The following PDE3A variants were observed in gnomAD, a reference collection of about 807,000 sequenced individuals.
PDE3A encodes phosphodiesterase 3A.
A neutral mutation model predicts 98.3 loss-of-function variants in PDE3A; 43 were observed. That is an observed-to-expected ratio of 0.44 (90% CI 0.34 to 0.56). The LOEUF is 0.56. Among genes scored for constraint, PDE3A ranks in the 20% least tolerant of loss-of-function variants. PDE3A has a pLI of 0.01. For synonymous variants in PDE3A, 663 were observed against 567.9 expected, an observed-to-expected ratio of 1.17 and a Z score of -2.38; for missense variants, 1,427 against 1,440.7, an observed-to-expected ratio of 0.99 and a Z score of 0.15.
chr12:20,623,558 T>C (rs1007501796), intron 5 of PDE3A, among the ~76,000 whole-genome samples: 1 of 152,028 alleles, frequency 6.6e-6, no homozygotes, highest in African/African-American at 2.4e-5. Context: ...CTTACAAGAA[T>C]AGGAGTGAAC....
intron 15 of PDE3A, 122 bp from the exon 16 acceptor site, chr12:20,679,907 TA>T (rs1945731153): frequency 6.1e-6 from 1 of 163,298 alleles, no homozygotes; most frequent in East Asian, 1.6e-4. Flanking sequence ...ATATATATAA[TA>T]TAATATAATA....
intron 2 of PDE3A, among the ~76,000 whole-genome samples, chr12:20,566,172 A>G (rs1243608258): frequency 6.6e-6 from 1 of 152,002 alleles, no homozygotes; most frequent in African/African-American, 2.4e-5. Context: ...TTGATTTTCT[A>G]GATCACAGAA....
intron 1 of PDE3A, among the ~76,000 whole-genome samples, chr12:20,509,931 T>G (rs1459119875): frequency 6.6e-6 from 1 of 152,012 alleles, no homozygotes; most frequent in Non-Finnish European, 1.5e-5. Flanking sequence ...AAATGTAATG[T>G]TTTTTAGCCA....
intron 1 of PDE3A, among the ~76,000 whole-genome samples, chr12:20,457,715 C>T (rs1945176083): frequency 6.6e-6 from 1 of 151,528 alleles, no homozygotes; most frequent in South Asian, 2.1e-4. Flanking sequence ...ATTTTCTTAT[C>T]TGAGTTATTA....
intron 1 of PDE3A, among the ~76,000 whole-genome samples, chr12:20,497,010 C>T (rs1945932398): frequency 6.6e-6 from 1 of 152,136 alleles, no homozygotes; most frequent in South Asian, 2.1e-4. Context: ...CTCAAAGTTT[C>T]AGCGTTATCT....
chr12:20,508,293 AC>A (rs796364687), intron 1 of PDE3A, among the ~76,000 whole-genome samples: 10 of 150,738 alleles, frequency 6.6e-5, no homozygotes, highest in African/African-American at 2.4e-4. Flanking sequence ...TGGAAACCCC[AC>A]CCCCCATAAT....
chr12:20,445,593 A>G (rs1188190407), intron 1 of PDE3A, among the ~76,000 whole-genome samples: 1 of 152,190 alleles, frequency 6.6e-6, no homozygotes, highest in East Asian at 1.9e-4. Flanking sequence ...GTCATGGGAA[A>G]TATCAGGGGA....
At chr12:20,556,810 G>A (rs1942381653) in intron 2 of PDE3A, 100 bp downstream of exon 2, 5 of 844,872 alleles carry the variant, frequency 5.9e-6, no homozygotes, top group Non-Finnish European at 1.0e-5. Flanking sequence ...GAGCGAGGAA[G>A]AGGCAAAATA....
At chr12:20,576,061 G>C (rs530072839) in intron 2 of PDE3A, among the ~76,000 whole-genome samples, 2 of 152,044 alleles carry the variant, frequency 1.3e-5, no homozygotes, top group South Asian at 4.1e-4. Flanking sequence ...GAAATATTTT[G>C]ATATAGGTAT....
rs182014236 is a variant in PDE3A at position 20,510,339 on chromosome 12, A to G, written c.961-46321A>G. On this transcript the variant is annotated intron_variant, in intron 1 of 15. Coordinates refer to ENST00000359062, the MANE Select transcript of PDE3A (RefSeq NM_000921.5). The stretch of plus-strand genomic sequence containing the variant: ...TGGTATGTAATATATTAGATCAACT[A>G]AAATAATCCACTAGAATTAGCAAAC... 3.1e-4 allele frequency among the ~76,000 whole-genome samples: 47 copies of G among 152,254 alleles called. No homozygotes were observed. In the East Asian group the frequency reaches 8.3e-3, roughly 27 times the overall value.
At chr12:20,527,267 A>C (rs1194848863) in intron 1 of PDE3A, among the ~76,000 whole-genome samples, 1 of 152,114 alleles carries the variant, frequency 6.6e-6, no homozygotes, top group African/African-American at 2.4e-5. Flanking sequence ...CAGAAACATA[A>C]TTAAATAGCT....
At chr12:20,613,798 T>G in intron 3 of PDE3A, 98 bp downstream of exon 3, 1 of 842,124 alleles carries the variant, frequency 1.2e-6, no homozygotes, top group Non-Finnish European at 1.9e-6. Context: ...TGCAGATTCA[T>G]ATCAGTGACT....
In PDE3A at chr12:20,680,073, T is replaced by G; in HGVS notation, c.3228T>G (p.Thr1076=). ...GGAGAAAAATCTACTGCCAAATAACTCAGCACCTCTTACAGAACCACAAGA... is the reference window on the plus strand; with the variant it reads ...GGAGAAAAATCTACTGCCAAATAACGCAGCACCTCTTACAGAACCACAAGA... ...FKRRKIYCQI[T]QHLLQNHKMW... Residue 1076 remains threonine, a synonymous_variant, in exon 16 of 16, where the codon ACT becomes ACG. Transcript: ENST00000359062. 1 of 1,607,302 alleles carries G rather than the reference T, an allele frequency of 6.2e-7. No individual in the cohort carries two copies. The highest frequency in any genetic ancestry group is 8.5e-7 in the Non-Finnish European group (1 of 1,173,968).
intron 1 of PDE3A, among the ~76,000 whole-genome samples, chr12:20,507,001 A>G (rs1946130427): frequency 6.6e-6 from 1 of 152,102 alleles, no homozygotes; most frequent in African/African-American, 2.4e-5. Context: ...AAGACTGTGT[A>G]TATTTTTATT....
At chr12:20,656,479 T>C (rs1167978980) in intron 15 of PDE3A, among the ~76,000 whole-genome samples, 1 of 152,224 alleles carries the variant, frequency 6.6e-6, no homozygotes, top group African/African-American at 2.4e-5. Flanking sequence ...TTTTCTTCAA[T>C]ATGCTACTGT....
In PDE3A at chr12:20,618,374, T is replaced by G. The variant is rs547003923; in HGVS notation, c.1424+1990T>G. On this transcript the variant is annotated intron_variant, in intron 4 of 15. Coordinates refer to ENST00000359062, the MANE Select transcript of PDE3A (RefSeq NM_000921.5). ...TTATTTATTTATTCCTTTCCATATC[T>G]TTTCATTTATTGGGTTTCTTTGAGG... Among the ~76,000 whole-genome samples, 7 of 152,162 alleles carry G rather than the reference T, an allele frequency of 4.6e-5. No individual in the cohort carries two copies. The South Asian group carries it at 1.5e-3, about 32-fold the overall frequency.
At chr12:20,377,424 T>G (rs141258424) in intron 1 of PDE3A, among the ~76,000 whole-genome samples, 2 of 151,938 alleles carry the variant, frequency 1.3e-5, no homozygotes, top group South Asian at 4.1e-4. Flanking sequence ...AGTCTAAATA[T>G]CTTGTGTGTG....
chr12:20,613,979 C>T (rs921870192), intron 3 of PDE3A, among the ~76,000 whole-genome samples: 3 of 152,018 alleles, frequency 2.0e-5, no homozygotes, highest in African/African-American at 4.8e-5. Context: ...ATATGCCAGG[C>T]GCTTTTCTAA....
At chr12:20,573,516 C>T (rs1247629171) in intron 2 of PDE3A, among the ~76,000 whole-genome samples, 1 of 151,892 alleles carries the variant, frequency 6.6e-6, no homozygotes, top group African/African-American at 2.4e-5. Context: ...AGACTGTGTT[C>T]AAATGCAAGA....
Sources: allele counts gnomAD v4.1 joint callset (sites outside exome capture counted in the v4.1 genomes callset), GRCh38; gene constraint gnomAD v4.1.1; transcripts MANE v1.5; gene names NCBI Gene and HGNC (gene_info 2026-07-23, HGNC 2026-07-21).